TTN: variants seen among roughly 807,000 people sequenced by gnomAD.
TTN encodes titin, also known as connectin.
TTN carries 1,525 observed loss-of-function variants against 3,223.0 expected under a neutral mutation model. The observed-to-expected ratio is 0.47, with a 90% CI of 0.45 to 0.49. The LOEUF is 0.49. Ranked by LOEUF, TTN falls within the 20% of genes least tolerant of loss-of-function variation. TTN has a pLI of 0.00. For synonymous variants in TTN, 14,094 were observed against 15,161.0 expected, an observed-to-expected ratio of 0.93 and a Z score of 5.17; for missense variants, 40,786 against 43,424.0, an observed-to-expected ratio of 0.94 and a Z score of 5.40.
In TTN at chr2:178,616,795, T is replaced by C. The variant is rs794729443; in HGVS notation, c.48094A>G (p.Ile16032Val). Residue 16032 changes from isoleucine to valine, a missense_variant, in exon 256 of 363, where the codon ATT becomes GTT. By Grantham distance (29) the Ile-to-Val change is conservative. Coordinates refer to ENST00000589042, the MANE Select transcript of TTN (RefSeq NM_001267550.2). ...ISPSERSDKG[I>V]YTLKLENRVK... ...CGGTTTTCTAATTTCAGTGTATAAA[T>C]GCCCTTGTCTGAACGTTCACTTGGA... is the stretch of plus-strand genomic sequence containing the variant. 6.2e-7 allele frequency: 1 copy of C among 1,612,844 alleles called. No individual in the cohort carries two copies. The highest frequency in any genetic ancestry group is 8.5e-7 in the Non-Finnish European group (1 of 1,179,206).
rs878854314 is a variant in TTN, at chr2:178,611,224, C to G, written c.50905G>C (p.Gly16969Arg). Residue 16969 changes from glycine (G) to arginine (R), a missense_variant, in exon 270 of 363, where the codon GGT becomes CGT. Physicochemically the swap from Gly to Arg is moderately radical, Grantham distance 125. Coordinates refer to ENST00000589042, the MANE Select transcript of TTN (RefSeq NM_001267550.2). ...GGAACAGGAATGCTTAACTTTTCAC[C>G]TTCAATAACAATAATGTCATGAGTC... ...LETHDIIVIEGEKLSIPVPFR... is the reference protein window; with the variant it reads ...LETHDIIVIEREKLSIPVPFR... The G allele has an allele frequency of 5.6e-6, 9 of 1,612,510 alleles. 1 individual carries two copies. In the Admixed American group the frequency reaches 1.5e-4, roughly 27 times the overall value.
In TTN at chr2:178,575,443, C is replaced by G; in HGVS notation, c.70689G>C (p.Lys23563Asn). Residue 23563 changes from lysine to asparagine, a missense_variant, in exon 326 of 363, where the codon AAG becomes AAC. By Grantham distance (94) the Lys-to-Asn change is moderately conservative. Transcript: ENST00000589042. The surrounding 1 kb of genome is among the most constrained non-coding windows in gnomAD (Gnocchi z 4.0). ...GGGCTTCAATCACATAGCCAGTGAT[C>G]TTGCTGCCACCATCGTGTTTGGGCT... Reference protein sequence around the residue: ...WPKPKHDGGSKITGYVIEAQR... With the variant: ...WPKPKHDGGSNITGYVIEAQR... The G allele has an allele frequency of 6.2e-7, 1 of 1,613,560 alleles. No homozygotes were observed. Among genetic ancestry groups the G allele is most frequent in the Non-Finnish European group, 8.5e-7 (1 of 1,179,606 alleles).
chr2:178,719,097 AAGGC>A, intron 83 of TTN, 63 bp downstream of exon 83: 4 of 1,543,904 alleles, frequency 2.6e-6, no homozygotes, highest in Non-Finnish European at 3.5e-6. Flanking sequence ...AACTCCAGGG[AAGGC>A]AGGCACCACG....
chr2:178,621,438 G>C, intron 245 of TTN, 37 bp downstream of exon 245: 1 of 1,607,226 alleles, frequency 6.2e-7, no homozygotes, highest in Non-Finnish European at 8.5e-7. Flanking sequence ...AGTGTGAATT[G>C]TTAGAAATAA....
chr2:178,582,823 G>T, intron 313 of TTN, 117 bp downstream of exon 313: 1 of 1,019,514 alleles, frequency 9.8e-7, no homozygotes, highest in Non-Finnish European at 1.3e-6. Flanking sequence ...GAATAATTCT[G>T]TGCATAGGAA....
Position 178,560,432 on chromosome 2 carries a change from A to T in TTN, c.85700T>A (p.Met28567Lys). 1 of 1,613,646 alleles carries T rather than the reference A, an allele frequency of 6.2e-7. No individual in the cohort carries two copies. Among genetic ancestry groups the T allele is most frequent in the Non-Finnish European group, 8.5e-7 (1 of 1,179,778 alleles). ...CTCGGGTCTTGACCAGCAAAGTGTC[A>T]TAGATTCTTTGGTCACAGAAGTAAT... Reference protein sequence around the residue: ...LEITSVTKESMTLCWSRPESD... With the variant: ...LEITSVTKESKTLCWSRPESD... The change falls in exon 326 of 363, where the codon ATG (methionine) becomes AAG (lysine). Residue 28567 changes from methionine to lysine, a missense_variant. By Grantham distance (95) the Met-to-Lys change is moderately conservative. Coordinates refer to ENST00000589042, the MANE Select transcript of TTN (RefSeq NM_001267550.2).
In TTN at chr2:178,580,116, C is replaced by G. The variant is rs756952687; in HGVS notation, c.67171G>C (p.Val22391Leu). Residue 22391 changes from valine (V) to leucine (L), a missense_variant, in exon 318 of 363, where the codon GTA becomes CTA. Transcript: ENST00000589042. ...TTCCTCTCTGCATCACGTTTTTGTA[C>G]CACATAGTTTATGATGGGGCTTCCG... The part of the protein sequence containing the change: ...DGGSPIINYV[V>L]QKRDAERKSW... 2.5e-6 allele frequency: 4 copies of G among 1,613,358 alleles called. No homozygotes were observed. The highest frequency in any genetic ancestry group is 3.3e-5 in the Admixed American group (2 of 59,970).
Position 178,664,668 on chromosome 2 carries a change from A to T in TTN, c.36188T>A (p.Val12063Asp). Residue 12063 changes from valine to aspartate, a missense_variant, in exon 167 of 363, where the codon GTC (valine) becomes GAC (aspartate). Transcript: ENST00000589042. ...GCAAGATATACCTTCATCAGGAAGG[A>T]CTTCAGGCTTTCTGAGAGGAACCAC... ...TLVVPLRKPE[V>D]LPDEVPEALR... The T allele has an allele frequency of 1.2e-6, 2 of 1,612,522 alleles. No homozygotes were observed. Among genetic ancestry groups the T allele is most frequent in the Non-Finnish European group, 1.7e-6 (2 of 1,179,694 alleles).
intron 296 of TTN, 36 bp downstream of exon 296, chr2:178,594,308 C>T: frequency 2.5e-6 from 4 of 1,590,846 alleles, no homozygotes; most frequent in Middle Eastern, 1.7e-4. Context: ...TACAAATGTG[C>T]AAGTTTCAGA....
At position 178,535,219 on chromosome 2, in the gene TTN, G is replaced by C. The variant is rs759620516; in HGVS notation, c.101396C>G (p.Thr33799Ser). 1.2e-6 allele frequency: 2 copies of C among 1,613,856 alleles called. No homozygotes were observed. Among genetic ancestry groups the C allele is most frequent in the Admixed American group, 3.3e-5 (2 of 60,006 alleles). Residue 33799 changes from threonine to serine, a missense_variant, in exon 358 of 363, where the codon ACC (threonine) becomes AGC (serine). Coordinates refer to ENST00000589042, the MANE Select transcript of TTN (RefSeq NM_001267550.2). Reference protein sequence around the residue: ...AMNYDEEVDETREVSMTKASH... With the variant: ...AMNYDEEVDESREVSMTKASH... Reference sequence around the variant, plus strand: ...TGCTTTAGTCATGGAGACTTCCCTGGTTTCATCTACCTCTTCATCATAGTT... The same window carrying C: ...TGCTTTAGTCATGGAGACTTCCCTGCTTTCATCTACCTCTTCATCATAGTT...
chr2:178,721,091 A>C lies in TTN; in HGVS notation c.22928T>G (p.Phe7643Cys), dbSNP rs1236884479. 6.2e-7 allele frequency: 1 copy of C among 1,613,172 alleles called. No individual in the cohort carries two copies. The highest frequency in any genetic ancestry group is 1.3e-5 in the African/African-American group (1 of 74,898). ...SGSPEIKVSW[F>C]RNDSELHESW... Reference sequence around the variant, plus strand: ...TTCATGAAGTTCGCTGTCATTTCGGAACCATGAAACTTTGATTTCTGGGGA... The same window carrying C: ...TTCATGAAGTTCGCTGTCATTTCGGCACCATGAAACTTTGATTTCTGGGGA... Residue 7643 changes from phenylalanine to cysteine, a missense_variant, in exon 79 of 363, where the codon TTC becomes TGC. Phe to Cys is a radical substitution (Grantham distance 205). Transcript: ENST00000589042.
chr2:178,554,888 G>A lies in TTN; in HGVS notation c.88571C>T (p.Ala29524Val), dbSNP rs1700784801. 1 of 1,613,904 alleles carries A rather than the reference G, an allele frequency of 6.2e-7. No individual in the cohort carries two copies. The change falls in exon 331 of 363, where the codon GCC (alanine) becomes GTC (valine). Residue 29524 changes from alanine to valine, a missense_variant. By Grantham distance (64) the Ala-to-Val change is moderately conservative. Coordinates refer to ENST00000589042, the MANE Select transcript of TTN (RefSeq NM_001267550.2). ...KLRNAMGSASATIRVQILDKP... is the reference protein window; with the variant it reads ...KLRNAMGSASVTIRVQILDKP... ...ACCAAGGATCTGTACTCTGATGGTG[G>A]CTGAGGCTGAGCCCATGGCATTCCT...
rs200792058 is a variant in TTN at position 178,734,838 on chromosome 2, C to T, written c.15086G>A (p.Arg5029Gln). Residue 5029 changes from arginine to glutamine, a missense_variant, in exon 51 of 363, where the codon CGA (arginine) becomes CAA (glutamine). By Grantham distance (43) the Arg-to-Gln change is conservative. Coordinates refer to ENST00000589042, the MANE Select transcript of TTN (RefSeq NM_001267550.2). ...AGCCTCAGAATTGACAAAATACATT[C>T]GGACTGTGTTACTTTCACTGAGTTC... is the stretch of plus-strand genomic sequence containing the variant. ...NKELSESNTV[R>Q]MYFVNSEAIL... is the part of the protein sequence containing the mutation. 317 of 1,613,692 alleles carry T rather than the reference C, an allele frequency of 2.0e-4. 1 individual carries two copies. The highest frequency in any genetic ancestry group is 8.7e-4 in the South Asian group (79 of 91,060).
chr2:178,590,711 T>C lies in TTN; in HGVS notation c.61014A>G (p.Gly20338=), dbSNP rs757606739. The C allele has an allele frequency of 1.9e-6, 3 of 1,612,884 alleles. No homozygotes were observed. In the African/African-American group the frequency reaches 4.0e-5, roughly 22 times the overall value. Residue 20338 remains glycine (G), a synonymous_variant, in exon 304 of 363, where the codon GGA becomes GGG. Transcript: ENST00000589042. ...LKFRVTGLYE[G]NTYEFRVFAE... ...CAAAAACTCTAAACTCATATGTATT[T>C]CCTTCATAGAGTCCAGTCACTCTGA...
Position 178,604,102 on chromosome 2 carries a change from G to C in TTN, c.54585C>G (p.Gly18195=). ...CCAGCCAGTAGCCAGTAATTGGAGA[G>C]CCACCATTGTCCAAAGGAGGAGTCC... ...VSWTPPLDNG[G]SPITGYWLEK... The change falls in exon 282 of 363, where the codon GGC becomes GGG. Residue 18195 remains glycine (G), a synonymous_variant. Transcript: ENST00000589042. 6.2e-7 allele frequency: 1 copy of C among 1,612,634 alleles called. No individual in the cohort carries two copies. The highest frequency in any genetic ancestry group is 8.5e-7 in the Non-Finnish European group (1 of 1,179,060).
At chr2:178,701,982 T>G in intron 109 of TTN, 58 bp downstream of exon 109, 1 of 1,558,580 alleles carries the variant, frequency 6.4e-7, no homozygotes, top group Non-Finnish European at 8.7e-7. Flanking sequence ...CTTCTGTGAT[T>G]TACAAAATTA....
chr2:178,770,344 C>A, intron 35 of TTN, 24 bp from the exon 36 acceptor site: 1 of 1,614,120 alleles, frequency 6.2e-7, no homozygotes, highest in South Asian at 1.1e-5. Flanking sequence ...TGGAGCAATT[C>A]AGTGATAGGG....
At chr2:178,622,823 A>G in intron 242 of TTN, 56 bp from the exon 243 acceptor site, 5 of 1,303,634 alleles carry the variant, frequency 3.8e-6, no homozygotes, top group Non-Finnish European at 5.4e-6. Flanking sequence ...TTACTCTGAC[A>G]TTACCATAGT....
chr2:178,802,047 C>T (rs567535982), intron 3 of TTN, 91 bp downstream of exon 3: 59 of 1,497,824 alleles, frequency 3.9e-5, no homozygotes, highest in Non-Finnish European at 5.2e-5. Flanking sequence ...CTGCATCTAC[C>T]TCTGCCCATA....
Sources: gnomAD v4.1 joint callset for allele counts on GRCh38, gnomAD v4.1.1 for gene constraint, Gnocchi (gnomAD v3.1) non-coding constraint, MANE v1.5 for transcripts, NCBI Gene and HGNC (gene_info 2026-07-23, HGNC 2026-07-21) for gene names.